CNTNAP5: variants seen among roughly 807,000 people sequenced by gnomAD.
CNTNAP5 encodes the protein contactin-associated protein-like 5.
A neutral mutation model predicts 150.2 loss-of-function variants in CNTNAP5; 72 were observed. That is an observed-to-expected ratio of 0.48 (90% CI 0.40 to 0.58). The LOEUF is 0.58. CNTNAP5 is among the 20% of genes least tolerant of loss of function. The pLI is 0.00. For missense variants in CNTNAP5, 1,636 were observed against 1,626.2 expected, an observed-to-expected ratio of 1.01 and a Z score of -0.10; for synonymous variants, 672 against 619.8, an observed-to-expected ratio of 1.08 and a Z score of -1.25.
chr2:124,597,859 C>T (rs1696869223), intron 11 of CNTNAP5, among the ~76,000 whole-genome samples: 1 of 145,844 alleles, frequency 6.9e-6, no homozygotes, highest in African/African-American at 2.5e-5. Flanking sequence ...ATTCTTTTTT[C>T]TCTAAACTTC....
At chr2:124,452,070 G>T (rs1692995424) in intron 6 of CNTNAP5, among the ~76,000 whole-genome samples, 1 of 152,084 alleles carries the variant, frequency 6.6e-6, no homozygotes, top group South Asian at 2.1e-4. Flanking sequence ...CATGAATCCA[G>T]TGTCCAGAAT....
chr2:124,469,197 G>A (rs2104828364), intron 6 of CNTNAP5, among the ~76,000 whole-genome samples: 1 of 152,246 alleles, frequency 6.6e-6, no homozygotes, highest in East Asian at 1.9e-4. Context: ...TCCCCTCAGT[G>A]TAATAGGAAA....
At chr2:124,887,186 T>C (rs1055682125) in intron 21 of CNTNAP5, among the ~76,000 whole-genome samples, 2 of 152,032 alleles carry the variant, frequency 1.3e-5, no homozygotes, top group African/African-American at 4.8e-5. Flanking sequence ...GAGTCCCAGA[T>C]TCCTTCAACC....
rs527652155 is a variant in CNTNAP5, at chr2:124,163,015, A to G, written c.83-58690A>G. On this transcript the variant is annotated intron_variant, in intron 1 of 23. Transcript: ENST00000682447. ...AAGGGGACCTCAAGTTTCTAGTGACAGTGTACTTCCAAAATATTATGTAAC... is the reference window on the plus strand; with the variant it reads ...AAGGGGACCTCAAGTTTCTAGTGACGGTGTACTTCCAAAATATTATGTAAC... Among the ~76,000 whole-genome samples the G allele has an allele frequency of 7.2e-5, 11 of 152,294 alleles. No individual in the cohort carries two copies. The South Asian group carries it at 2.3e-3, about 32-fold the overall frequency.
At chr2:124,767,574 A>C (rs928031991) in intron 16 of CNTNAP5, among the ~76,000 whole-genome samples, 2 of 152,180 alleles carry the variant, frequency 1.3e-5, no homozygotes, top group Non-Finnish European at 2.9e-5. Flanking sequence ...TTGTTCTTCC[A>C]AGTGGGTTTG....
intron 17 of CNTNAP5, among the ~76,000 whole-genome samples, chr2:124,787,475 A>G (rs1336216749): frequency 1.3e-5 from 2 of 152,216 alleles, no homozygotes; most frequent in African/African-American, 4.8e-5. Context: ...AAAATAATTG[A>G]ACACATATTG....
chr2:124,434,921 A>G (rs1255323296), intron 5 of CNTNAP5, among the ~76,000 whole-genome samples: 1 of 152,232 alleles, frequency 6.6e-6, no homozygotes, highest in African/African-American at 2.4e-5. Flanking sequence ...CTAACTACGT[A>G]TTTATCCATT....
chr2:124,647,728 C>G, intron 12 of CNTNAP5, 30 bp from the exon 13 acceptor site: 9 of 1,551,900 alleles, frequency 5.8e-6, no homozygotes, highest in Non-Finnish European at 7.9e-6. Flanking sequence ...CTTCTAACGT[C>G]TCTTGCTTTG....
intron 3 of CNTNAP5, among the ~76,000 whole-genome samples, chr2:124,374,933 G>A (rs1394033304): frequency 6.6e-6 from 1 of 151,966 alleles, no homozygotes; most frequent in African/African-American, 2.4e-5. Context: ...AGAACAATGA[G>A]AGAGAGAAAA....
At chr2:124,659,035 T>A (rs963872357) in intron 13 of CNTNAP5, among the ~76,000 whole-genome samples, 1 of 152,184 alleles carries the variant, frequency 6.6e-6, no homozygotes, top group African/African-American at 2.4e-5. Flanking sequence ...CCTACCGCCA[T>A]GTGACCTTAG....
intron 1 of CNTNAP5, among the ~76,000 whole-genome samples, chr2:124,069,413 A>T (rs901287757): frequency 2.6e-5 from 4 of 152,150 alleles, no homozygotes; most frequent in African/African-American, 7.2e-5. Flanking sequence ...GTCTGGGGGA[A>T]CTTGCCACCC....
At chr2:124,297,810 TTTATTATTATTATTATTATTATTA>T (rs138310065) in intron 3 of CNTNAP5, among the ~76,000 whole-genome samples, 28,721 of 126,216 alleles carry the variant, frequency 0.23, 3,031 homozygotes, top group East Asian at 0.4. Context: ...CATCCAATTA[TTTATTATTATTATTATTATTATTA>T]TTATTATTAT....
intron 16 of CNTNAP5, 35 bp from the exon 17 acceptor site, chr2:124,772,764 C>G: frequency 3.2e-6 from 5 of 1,538,768 alleles, no homozygotes; most frequent in East Asian, 2.3e-5. Context: ...GCTAACAACT[C>G]CCTCTATCCT....
At chr2:124,179,490 A>G (rs182051490) in intron 1 of CNTNAP5, among the ~76,000 whole-genome samples, 4 of 152,224 alleles carry the variant, frequency 2.6e-5, no homozygotes, top group African/African-American at 7.2e-5. Context: ...GAACACATCA[A>G]TTTTGCTTAG....
At chr2:124,626,785 C>T (rs1022852465) in intron 12 of CNTNAP5, among the ~76,000 whole-genome samples, 3 of 152,134 alleles carry the variant, frequency 2.0e-5, no homozygotes, top group African/African-American at 7.2e-5. Context: ...CTTCCATGGG[C>T]CCAGCAAGCT....
chr2:124,890,962 A>G (rs1678182448), intron 21 of CNTNAP5, among the ~76,000 whole-genome samples: 1 of 152,144 alleles, frequency 6.6e-6, no homozygotes, highest in South Asian at 2.1e-4. Context: ...TGAGCTAAAA[A>G]GAGCTTTACC....
intron 1 of CNTNAP5, 83 bp downstream of exon 1, chr2:124,025,815 G>A: frequency 8.8e-7 from 1 of 1,137,266 alleles, no homozygotes; most frequent in Non-Finnish European, 1.3e-6. Context: ...AAGCGTACTC[G>A]ATTGTGTCTG....
chr2:124,423,378 G>A (rs1044329207), intron 4 of CNTNAP5, among the ~76,000 whole-genome samples: 1 of 152,008 alleles, frequency 6.6e-6, no homozygotes, highest in African/African-American at 2.4e-5. Context: ...GTCCAAGGAA[G>A]GTCAGCTTTT....
intron 1 of CNTNAP5, among the ~76,000 whole-genome samples, chr2:124,191,297 A>C (rs978667165): frequency 6.6e-6 from 1 of 152,174 alleles, no homozygotes; most frequent in East Asian, 1.9e-4. Flanking sequence ...AAGGATGGGG[A>C]TTCTCTGAAC....
Sources: allele counts gnomAD v4.1 joint callset (sites outside exome capture counted in the v4.1 genomes callset), GRCh38; gene constraint gnomAD v4.1.1; transcripts MANE v1.5; gene names NCBI Gene and HGNC (gene_info 2026-07-23, HGNC 2026-07-21).